Variants in POLB observed in about 807,000 individuals in gnomAD.
POLB encodes 5'-dRP lyase.
A neutral mutation model predicts 52.7 loss-of-function variants in POLB; 37 were observed. That is an observed-to-expected ratio of 0.70 (90% CI 0.54 to 0.92). The LOEUF is 0.92. Ranked by LOEUF, POLB falls within the 40% of genes least tolerant of loss-of-function variation. The pLI, the probability that POLB is intolerant of heterozygous loss-of-function variation, is 0.00. For missense variants in POLB, 313 were observed against 400.8 expected (o/e 0.78, Z 1.87); for synonymous variants, 138 against 131.3 (o/e 1.05, Z -0.35).
intron 11 of POLB, among the ~76,000 whole-genome samples, chr8:42,367,993 T>C (rs528215205): frequency 6.6e-6 from 1 of 152,324 alleles, no homozygotes; most frequent in South Asian, 2.1e-4. Context: ...ACACTCAGTA[T>C]GAAGCTACCC....
chr8:42,344,850 A>G (rs1822509020), intron 2 of POLB, 103 bp from the exon 3 acceptor site: 2 of 722,320 alleles, frequency 2.8e-6, no homozygotes, highest in Admixed American at 4.8e-5. Context: ...TATCTTGGTG[A>G]AAGCATAAGC....
chr8:42,365,973 G>A (rs902028299), intron 11 of POLB, among the ~76,000 whole-genome samples: 1 of 152,060 alleles, frequency 6.6e-6, no homozygotes, highest in Admixed American at 6.6e-5. Context: ...GGTGGCGGGC[G>A]CCTGTAGTCC....
chr8:42,362,636 G>C lies in POLB; in HGVS notation c.646G>C (p.Glu216Gln), dbSNP rs1322809479. 6.2e-7 allele frequency: 1 copy of C among 1,609,130 alleles called. No individual in the cohort carries two copies. The highest frequency in any genetic ancestry group is 8.5e-7 in the Non-Finnish European group (1 of 1,175,662). Residue 216 changes from glutamate (E) to glutamine (Q), a missense_variant, in exon 11 of 14, where the codon GAG becomes CAG. Transcript: ENST00000265421. The stretch of plus-strand genomic sequence containing the variant: ...GCCAAAACTGTTACATCAGGTTGTG[G>C]AGCAGTTACAAAAGGTTCATTTTAT... ...KQPKLLHQVV[E>Q]QLQKVHFITD...
intron 11 of POLB, among the ~76,000 whole-genome samples, chr8:42,363,698 T>A (rs2130845786): frequency 6.6e-6 from 1 of 152,200 alleles, no homozygotes; most frequent in South Asian, 2.1e-4. Flanking sequence ...TTAGAATTGA[T>A]TGAAAAATAT....
At chr8:42,357,274 G>A in intron 8 of POLB, 46 bp from the exon 9 acceptor site, 1 of 1,431,798 alleles carries the variant, frequency 7.0e-7, no homozygotes, top group Non-Finnish European at 9.8e-7. Context: ...GTGTCACTTG[G>A]TGAAAAGCCA....
At chr8:42,352,352 C>T (rs777628975) in intron 5 of POLB, among the ~76,000 whole-genome samples, 167 bp from the exon 6 acceptor site, 6 of 152,188 alleles carry the variant, frequency 3.9e-5, no homozygotes, top group Non-Finnish European at 8.8e-5. Flanking sequence ...ATGATTGAAG[C>T]TTCAATAATT....
At chr8:42,367,435 A>G (rs1170015595) in intron 11 of POLB, among the ~76,000 whole-genome samples, 1 of 152,178 alleles carries the variant, frequency 6.6e-6, no homozygotes, top group Non-Finnish European at 1.5e-5. Flanking sequence ...GGGAAGAGAT[A>G]GCCAGGCAGG....
At chr8:42,356,245 T>C (rs1441261840) in intron 7 of POLB, among the ~76,000 whole-genome samples, 1 of 152,208 alleles carries the variant, frequency 6.6e-6, no homozygotes, top group African/African-American at 2.4e-5. Flanking sequence ...TATACTCCCA[T>C]TCCAAAATCT....
intron 2 of POLB, among the ~76,000 whole-genome samples, chr8:42,343,888 T>C (rs1822419387): frequency 6.6e-6 from 1 of 152,110 alleles, no homozygotes; most frequent in African/African-American, 2.4e-5. Flanking sequence ...CCCAGAACTT[T>C]TGGAGGCCAA....
intron 11 of POLB, among the ~76,000 whole-genome samples, chr8:42,368,184 C>G (rs975448711): frequency 6.6e-6 from 1 of 152,222 alleles, no homozygotes; most frequent in South Asian, 2.1e-4. Flanking sequence ...ACATCATTCC[C>G]TGTGGTATCT....
intron 11 of POLB, among the ~76,000 whole-genome samples, chr8:42,366,678 T>C (rs1824060237): frequency 1.3e-5 from 2 of 152,198 alleles, no homozygotes; most frequent in Admixed American, 1.3e-4. Flanking sequence ...TATAGAAGAA[T>C]AAATTTGGAT....
intron 9 of POLB, among the ~76,000 whole-genome samples, chr8:42,358,298 C>T (rs567487487): frequency 1.6e-4 from 25 of 151,990 alleles, no homozygotes; most frequent in Admixed American, 1.6e-3. Context: ...GTCAGGAGAT[C>T]GAGACTATCC....
In POLB at chr8:42,362,699, G is replaced by A; in HGVS notation, c.708+1G>A. Reference sequence around the variant, plus strand: ...GTCAAAGGGTGAGACAAAGTTCATGGTAAGTACTTGTTAGAGTTAGCACAT... The same window carrying A: ...GTCAAAGGGTGAGACAAAGTTCATGATAAGTACTTGTTAGAGTTAGCACAT... On this transcript the variant is annotated splice_donor_variant, in intron 11 of 13. Transcript: ENST00000265421. LOFTEE classifies it high-confidence loss of function. 6.4e-7 allele frequency: 1 copy of A among 1,562,574 alleles called. No individual in the cohort carries two copies. The highest frequency in any genetic ancestry group is 1.4e-5 in the African/African-American group (1 of 73,936).
rs749821103 is a variant in POLB at position 42,344,936 on chromosome 8, T to C, written c.120-17T>C. The C allele has an allele frequency of 1.3e-6, 2 of 1,537,566 alleles. No individual in the cohort carries two copies. The highest frequency in any genetic ancestry group is 1.8e-6 in the Non-Finnish European group (2 of 1,110,846). Reference sequence around the variant, plus strand: ...GATGGATTTCTAATTGGTTTTCCTTTTCTTCTTTCCTTATAGAAAAGCAGC... The same window carrying C: ...GATGGATTTCTAATTGGTTTTCCTTCTCTTCTTTCCTTATAGAAAAGCAGC... On this transcript the variant is annotated splice_polypyrimidine_tract_variant and intron_variant, in intron 2 of 13. Transcript: ENST00000265421.
intron 9 of POLB, among the ~76,000 whole-genome samples, chr8:42,360,510 G>A (rs1252930927): frequency 2.0e-5 from 3 of 152,118 alleles, no homozygotes; most frequent in African/African-American, 7.2e-5. Flanking sequence ...AGCATATGAA[G>A]TAGTTTTTAG....
At chr8:42,338,811 G>T (rs1274264318) in intron 1 of POLB, 126 bp downstream of exon 1, 4 of 1,058,916 alleles carry the variant, frequency 3.8e-6, no homozygotes, top group Non-Finnish European at 5.8e-6. Flanking sequence ...CGTCTTCCGT[G>T]GGGATCTCCC....
intron 5 of POLB, among the ~76,000 whole-genome samples, chr8:42,350,539 G>A (rs751079521): frequency 3.3e-5 from 5 of 152,058 alleles, no homozygotes; most frequent in Non-Finnish European, 7.4e-5. Context: ...AGCATCCCGA[G>A]TAGCTTGGAT....
At position 42,369,571 on chromosome 8, in the gene POLB, C is replaced by T. The variant is rs76012343; in HGVS notation, c.773+236C>T. Reference sequence around the variant, plus strand: ...CACCTCACCATGATGCCTTCCACAGCTCAAAAGTCATTTCCTGCCTGGGCT... The same window carrying T: ...CACCTCACCATGATGCCTTCCACAGTTCAAAAGTCATTTCCTGCCTGGGCT... On this transcript the variant is annotated intron_variant, in intron 12 of 13. Coordinates refer to ENST00000265421, the MANE Select transcript of POLB (RefSeq NM_002690.3). 14 of 522,406 alleles carry T rather than the reference C, an allele frequency of 2.7e-5. No homozygotes were observed. In the South Asian group the frequency reaches 3.8e-4, roughly 14 times the overall value. 32.4% of individuals were successfully genotyped at this position (522,406 alleles called of 1,614,324 possible).
intron 2 of POLB, among the ~76,000 whole-genome samples, chr8:42,343,789 A>G (rs1822411253): frequency 6.6e-6 from 1 of 152,138 alleles, no homozygotes; most frequent in Non-Finnish European, 1.5e-5. Context: ...TGACGTATAG[A>G]GTTTAAATTC....
Sources: allele counts gnomAD v4.1 joint callset (sites outside exome capture counted in the v4.1 genomes callset), GRCh38; gene constraint gnomAD v4.1.1; transcripts MANE v1.5; gene names NCBI Gene and HGNC (gene_info 2026-07-23, HGNC 2026-07-21).